RAI1: variants seen among roughly 807,000 people sequenced by gnomAD.
RAI1 encodes the protein retinoic acid induced 1.
RAI1 carries 9 observed loss-of-function variants against 123.8 expected under a neutral mutation model. That is an observed-to-expected ratio of 0.07 (90% CI 0.04 to 0.13). The LOEUF is 0.13. RAI1 is among the 10% of genes least tolerant of loss of function. The pLI is 1.00. For synonymous variants in RAI1, 1,231 were observed against 1,127.3 expected (o/e 1.09, Z -1.84); for missense variants, 2,256 against 2,545.8 (o/e 0.89, Z 2.45).
chr17:17,798,999 C>T (rs1208405617), intron 3 of RAI1, among the ~76,000 whole-genome samples: 1 of 152,200 alleles, frequency 6.6e-6, no homozygotes, highest in Non-Finnish European at 1.5e-5. Context: ...GCGACACAGG[C>T]TTGGTGCATG....
At chr17:17,807,841 G>T (rs991770999) in intron 4 of RAI1, among the ~76,000 whole-genome samples, 1 of 152,214 alleles carries the variant, frequency 6.6e-6, no homozygotes, top group Non-Finnish European at 1.5e-5. Context: ...TGAGCCAAGG[G>T]AAGGGGAACA....
intron 1 of RAI1, among the ~76,000 whole-genome samples, chr17:17,694,888 C>CG (rs994340031): frequency 5.2e-4 from 79 of 152,078 alleles, no homozygotes; most frequent in Middle Eastern, 3.4e-3. Context: ...TCCGGGAACG[C>CG]GGGGGCTTCC....
At position 17,761,196 on chromosome 17, in the gene RAI1, C is replaced by A. The variant is rs538971910; in HGVS notation, c.-16-31737C>A. The stretch of plus-strand genomic sequence containing the variant: ...GGCGACCCATATGTGAGTGCCTCAG[C>A]ACAGGGACTGGCACATAGTAAGTGC... On this transcript the variant is annotated intron_variant, in intron 2 of 5. Coordinates refer to ENST00000353383, the MANE Select transcript of RAI1 (RefSeq NM_030665.4). Among the ~76,000 whole-genome samples the A allele has an allele frequency of 1.2e-3, 177 of 151,824 alleles. 1 individual carries two copies. Among genetic ancestry groups the A allele is most frequent in the South Asian group, 7.3e-3 (35 of 4,800 alleles).
chr17:17,697,754 C>T (rs1167799641), intron 1 of RAI1, among the ~76,000 whole-genome samples: 1 of 152,070 alleles, frequency 6.6e-6, no homozygotes, highest in East Asian at 1.9e-4. Flanking sequence ...GTCACTGGGA[C>T]CAACGTGTGG....
Position 17,785,916 on chromosome 17 carries a change from C to T in RAI1, c.-16-7017C>T, listed in dbSNP as rs377330013. Among the ~76,000 whole-genome samples the T allele has an allele frequency of 5.3e-5, 8 of 152,354 alleles. No homozygotes were observed. The South Asian group carries it at 1.0e-3, about 20-fold the overall frequency. ...GGAGCTTGTGATCAAATTCAGGCCA[C>T]AGACAGTGTCTCTTGAATTCTCAAG... is the stretch of plus-strand genomic sequence containing the variant. On this transcript the variant is annotated intron_variant, in intron 2 of 5. Coordinates refer to ENST00000353383, the MANE Select transcript of RAI1 (RefSeq NM_030665.4).
intron 2 of RAI1, among the ~76,000 whole-genome samples, chr17:17,772,207 A>G (rs1598068326): frequency 6.6e-6 from 1 of 152,140 alleles, no homozygotes; most frequent in Non-Finnish European, 1.5e-5. Flanking sequence ...CTTTGGAGAA[A>G]TCTATTCCTC....
Position 17,793,180 on chromosome 17 carries a change from T to C in RAI1, c.232T>C (p.Tyr78His). 3 of 1,613,080 alleles carry C rather than the reference T, an allele frequency of 1.9e-6. No individual in the cohort carries two copies. The highest frequency in any genetic ancestry group is 2.5e-6 in the Non-Finnish European group (3 of 1,179,820). Reference protein sequence around the residue: ...GTAAAVAADKYHRGSKALPTQ... With the variant: ...GTAAAVAADKHHRGSKALPTQ... ...TGCAGCCGCGGTGGCCGCCGACAAG[T>C]ACCACCGAGGCAGCAAGGCCCTGCC... The change falls in exon 3 of 6, where the codon TAC becomes CAC. Residue 78 changes from tyrosine (Y) to histidine (H), a missense_variant. Around this residue, in one of 7 missense-constraint regions of RAI1, gnomAD observed 336 missense variants for 349.8 expected, o/e 0.96. Coordinates refer to ENST00000353383, the MANE Select transcript of RAI1 (RefSeq NM_030665.4).
At chr17:17,688,961 AT>A (rs566362698) in intron 1 of RAI1, among the ~76,000 whole-genome samples, 7,143 of 131,078 alleles carry the variant, frequency 0.054, 214 homozygotes, top group South Asian at 0.076. Flanking sequence ...TATGATTATT[AT>A]TTTTTTTTTT....
intron 2 of RAI1, among the ~76,000 whole-genome samples, chr17:17,765,039 T>C (rs2030867994): frequency 6.6e-6 from 1 of 152,234 alleles, no homozygotes; most frequent in African/African-American, 2.4e-5. Flanking sequence ...AATCGGAGGA[T>C]CTTCGGTGGC....
intron 1 of RAI1, chr17:17,684,417 C>A (rs1914550210): frequency 6.6e-6 from 1 of 151,288 alleles, no homozygotes; most frequent in Non-Finnish European, 1.5e-5. Flanking sequence ...ACTGATGGGT[C>A]ATACCCAGAA....
rs1465955686 is a variant in RAI1 at position 17,685,106 on chromosome 17, T to C, written c.-149+3313T>C. The C allele has an allele frequency of 6.6e-6, 1 of 152,264 alleles. No homozygotes were observed. Among genetic ancestry groups the C allele is most frequent in the Non-Finnish European group, 1.5e-5 (1 of 68,048 alleles). The allele number at this position is 152,264 out of a possible 1,614,324, so 9.4% of individuals were successfully genotyped here. On this transcript the variant is annotated intron_variant, in intron 1 of 5. Coordinates refer to ENST00000353383, the MANE Select transcript of RAI1 (RefSeq NM_030665.4). This position sits in a 1 kb window ranked among gnomAD's most constrained non-coding sequence, Gnocchi z 4.0. ...ATGGCAGCCCATGTTTGAAATGCAT[T>C]GCTTTCCACAGCTGCCTGTGGCCAT...
chr17:17,796,164 A>C lies in RAI1; in HGVS notation c.3216A>C (p.Pro1072=). Residue 1072 remains proline (P), a synonymous_variant, in exon 3 of 6, where the codon CCA becomes CCC. Coordinates refer to ENST00000353383, the MANE Select transcript of RAI1 (RefSeq NM_030665.4). The surrounding 1 kb of genome is among the most constrained non-coding windows in gnomAD (Gnocchi z 5.8). ...ALSEPRTPGP[P]GLTTTPAPPD... ...GTGAGCCCCGCACGCCCGGACCCCCAGGCCTGACCACCACCCCTGCACCCC... is the reference window on the plus strand; with the variant it reads ...GTGAGCCCCGCACGCCCGGACCCCCCGGCCTGACCACCACCCCTGCACCCC... The C allele has an allele frequency of 1.3e-6, 2 of 1,558,744 alleles. No homozygotes were observed. The highest frequency in any genetic ancestry group is 1.7e-6 in the Non-Finnish European group (2 of 1,151,188).
At chr17:17,697,871 G>A (rs1473019274) in intron 1 of RAI1, among the ~76,000 whole-genome samples, 1 of 152,240 alleles carries the variant, frequency 6.6e-6, no homozygotes, top group Non-Finnish European at 1.5e-5. Context: ...GGGCACCTCT[G>A]TGTGTGGCCG....
chr17:17,713,773 G>A (rs11654482), intron 1 of RAI1, among the ~76,000 whole-genome samples: 10,463 of 152,238 alleles, frequency 0.069, 454 homozygotes, highest in African/African-American at 0.11. Flanking sequence ...TTAAAAGTAG[G>A]CATTTCTCTC....
chr17:17,810,845 C>T lies in RAI1; in HGVS notation c.*864C>T, dbSNP rs73981074. On this transcript the variant is annotated 3_prime_UTR_variant, in exon 6 of 6. Transcript: ENST00000353383. This position sits in a 1 kb window ranked among gnomAD's most constrained non-coding sequence, Gnocchi z 4.6. ...ACCGTTGTGCACCACCAGGGACCGC[C>T]GCGCCTACTCTGCACGGGAGCAGGG... is the stretch of plus-strand genomic sequence containing the variant. 2.3e-4 allele frequency: 105 copies of T among 451,774 alleles called. 2 individuals are homozygous for T. Among genetic ancestry groups the T allele is most frequent in the Admixed American group, 3.3e-4 (14 of 42,332 alleles). 28.0% of individuals were successfully genotyped at this position (451,774 alleles called of 1,614,324 possible). A position where few individuals can be genotyped will look rare whatever the true frequency, so the allele number is the denominator to read the frequency against.
Position 17,795,939 on chromosome 17 carries a change from C to T in RAI1, c.2991C>T (p.Ser997=), listed in dbSNP as rs1258734565. The part of the protein sequence containing the change: ...AKKEPVPRGK[S]LRSRRVHRGL... The stretch of plus-strand genomic sequence containing the variant: ...AAGAGCCTGTGCCACGGGGCAAAAG[C>T]TTACGGAGCCGTCGGGTGCACCGGG... The change falls in exon 3 of 6, where the codon AGC becomes AGT. Residue 997 remains serine, a synonymous_variant. Coordinates refer to ENST00000353383, the MANE Select transcript of RAI1 (RefSeq NM_030665.4). This position sits in a 1 kb window ranked among gnomAD's most constrained non-coding sequence, Gnocchi z 5.9. 6.2e-7 allele frequency: 1 copy of T among 1,608,080 alleles called. No homozygotes were observed. The highest frequency in any genetic ancestry group is 8.5e-7 in the Non-Finnish European group (1 of 1,178,958).
At position 17,797,602 on chromosome 17, in the gene RAI1, C is replaced by T; in HGVS notation, c.4654C>T (p.Pro1552Ser). The change falls in exon 3 of 6, where the codon CCC becomes TCC. Residue 1552 changes from proline to serine, a missense_variant. Pro to Ser is a moderately conservative substitution (Grantham distance 74, BLOSUM62 -1). This residue lies in a region of RAI1 where 410 missense variants were observed against 374.6 expected (regional missense o/e 1.09). Transcript: ENST00000353383. Reference sequence around the variant, plus strand: ...CCGGGCCAAGAACACCACCTCTTCACCCTGTAAGGGGCGTGCCAAGCGACG... The same window carrying T: ...CCGGGCCAAGAACACCACCTCTTCATCCTGTAAGGGGCGTGCCAAGCGACG... ...RGRAKNTTSS[P>S]CKGRAKRRRQ... 6.2e-7 allele frequency: 1 copy of T among 1,614,026 alleles called. No homozygotes were observed. Among genetic ancestry groups the T allele is most frequent in the Non-Finnish European group, 8.5e-7 (1 of 1,180,038 alleles).
intron 2 of RAI1, among the ~76,000 whole-genome samples, chr17:17,740,818 G>A (rs891288737): frequency 2.0e-5 from 3 of 152,154 alleles, no homozygotes; most frequent in African/African-American, 7.2e-5. Context: ...TTTGGTTTTC[G>A]CCAGAACAAA....
chr17:17,789,396 G>C (rs1488291127), intron 2 of RAI1, among the ~76,000 whole-genome samples: 1 of 152,256 alleles, frequency 6.6e-6, no homozygotes, highest in African/African-American at 2.4e-5. Context: ...CAGTCCTATA[G>C]ATTTCTGGAG....
Sources: gnomAD v4.1 joint callset for allele counts (sites outside exome capture counted in the v4.1 genomes callset) on GRCh38, gnomAD v4.1.1 for gene constraint, gnomAD v4.1.1 regional missense constraint, Gnocchi (gnomAD v3.1) non-coding constraint, MANE v1.5 for transcripts, NCBI Gene and HGNC (gene_info 2026-07-23, HGNC 2026-07-21) for gene names.